Variants in TCF4 observed in about 807,000 individuals in gnomAD.
The protein encoded by TCF4 is transcription factor 4.
TCF4 carries 3 observed loss-of-function variants against 82.1 expected under a neutral mutation model. The ratio of observed to expected loss-of-function variants is 0.04; its 90% CI spans 0.02 to 0.09. The LOEUF is 0.09. Ranked by LOEUF, TCF4 falls within the 10% of genes least tolerant of loss-of-function variation. The pLI, the probability that TCF4 is intolerant of heterozygous loss-of-function variation, is 1.00. For missense variants in TCF4, 518 were observed against 852.7 expected, an observed-to-expected ratio of 0.61 and a Z score of 4.89; for synonymous variants, 276 against 309.6, an observed-to-expected ratio of 0.89 and a Z score of 1.14.
chr18:55,577,914 A>G (rs1458840474), intron 3 of TCF4, among the ~76,000 whole-genome samples: 1 of 152,080 alleles, frequency 6.6e-6, no homozygotes, highest in African/African-American at 2.4e-5. Flanking sequence ...TCAGAGAAAA[A>G]AGTTTGTAAT....
intron 8 of TCF4, among the ~76,000 whole-genome samples, chr18:55,324,334 C>T (rs569907320): frequency 1.3e-5 from 2 of 152,288 alleles, no homozygotes; most frequent in Admixed American, 1.3e-4. Context: ...GTTTGCTGAC[C>T]TTGGAGTACA....
chr18:55,268,856 G>C (rs2059755683), intron 11 of TCF4: 1 of 152,224 alleles, frequency 6.6e-6, no homozygotes, highest in African/African-American at 2.4e-5. Context: ...CCGACGCTCT[G>C]ACAGTGACAT....
rs144102118 is a variant in TCF4, at chr18:55,309,322, A to G, written c.550-29666T>C. 7.9e-5 allele frequency among the ~76,000 whole-genome samples: 12 copies of G among 151,340 alleles called. No individual in the cohort carries two copies. In the East Asian group the frequency reaches 1.2e-3, roughly 15 times the overall value. ...CTTTTTCTAGAGACAGGGTGTCCCA[A>G]TGTTGATCATGTTGATCTTGAACTC... On this transcript the variant is annotated intron_variant, in intron 8 of 19. Transcript: ENST00000354452.
intron 5 of TCF4, among the ~76,000 whole-genome samples, chr18:55,443,177 A>C (rs1479382592): frequency 6.6e-6 from 1 of 152,160 alleles, no homozygotes; most frequent in Admixed American, 6.5e-5. Flanking sequence ...AGGTTGTTGG[A>C]TACTAATCTA....
At chr18:55,282,924 G>A (rs139583417) in intron 8 of TCF4, among the ~76,000 whole-genome samples, 1 of 152,008 alleles carries the variant, frequency 6.6e-6, no homozygotes, top group East Asian at 1.9e-4. Flanking sequence ...TGAAACTTTT[G>A]TTGCCGAATT....
rs181779193 is a variant in TCF4, at chr18:55,256,937, G to C, written c.1146+378C>G. Among the ~76,000 whole-genome samples, 322 of 152,302 alleles carry C rather than the reference G, an allele frequency of 2.1e-3. 2 individuals are homozygous for C. The highest frequency in any genetic ancestry group is 7.3e-3 in the African/African-American group (305 of 41,576). On this transcript the variant is annotated intron_variant, in intron 14 of 19. Transcript: ENST00000354452. ...TCCTGTAAACCTGTTATTCTGGAAA[G>C]TAAAGCAGAGGTAGAGGGAATCAAA...
intron 8 of TCF4, among the ~76,000 whole-genome samples, chr18:55,329,277 G>A (rs576335897): frequency 6.6e-6 from 1 of 151,936 alleles, no homozygotes; most frequent in South Asian, 2.1e-4. Flanking sequence ...AAATAAACTT[G>A]AATTTTAACG....
At chr18:55,532,465 T>A (rs117976985) in intron 3 of TCF4, among the ~76,000 whole-genome samples, 2,814 of 152,276 alleles carry the variant, frequency 0.018, 40 homozygotes, top group Middle Eastern at 0.048. Flanking sequence ...GGAAGGCTGG[T>A]ACCAAGGAAA....
chr18:55,572,023 A>T (rs1262235416), intron 3 of TCF4, among the ~76,000 whole-genome samples: 2 of 152,220 alleles, frequency 1.3e-5, no homozygotes, highest in African/African-American at 4.8e-5. Context: ...AGGCAGAAAC[A>T]GGACCAAGCA....
chr18:55,424,307 TTG>T (rs1348242257), intron 5 of TCF4, among the ~76,000 whole-genome samples: 1 of 152,190 alleles, frequency 6.6e-6, no homozygotes, highest in African/African-American at 2.4e-5. Flanking sequence ...TCTCAAGATT[TTG>T]TGTCTTAAAG....
At chr18:55,391,710 A>G (rs2093116735) in intron 6 of TCF4, among the ~76,000 whole-genome samples, 1 of 151,816 alleles carries the variant, frequency 6.6e-6, no homozygotes, top group Non-Finnish European at 1.5e-5. Flanking sequence ...AGGTGGGCGG[A>G]TCACTTGAGG....
At chr18:55,344,034 A>G (rs1313665477) in intron 8 of TCF4, among the ~76,000 whole-genome samples, 2 of 152,218 alleles carry the variant, frequency 1.3e-5, no homozygotes, top group Admixed American at 6.5e-5. Flanking sequence ...ACAAGTATGG[A>G]TTCTGCCTTA....
chr18:55,622,843 A>T lies in TCF4; in HGVS notation c.286+8455T>A, dbSNP rs553587915. ...AGAATATTATACATGCATTTGCACG[A>T]GAGTTCTCTATCAGATTTAAAAACT... On this transcript the variant is annotated intron_variant, in intron 2 of 20. Coordinates refer to the TCF4 transcript ENST00000398339. Among the ~76,000 whole-genome samples, 15 of 151,560 alleles carry T rather than the reference A, an allele frequency of 9.9e-5. No individual in the cohort carries two copies. The South Asian group carries it at 3.1e-3, about 32-fold the overall frequency.
chr18:55,524,216 C>T lies in TCF4; in HGVS notation c.146-60079G>A, dbSNP rs2096958168. On this transcript the variant is annotated intron_variant, in intron 3 of 19. Coordinates refer to ENST00000354452, the MANE Select transcript of TCF4 (RefSeq NM_001083962.2). ...GGCAGCTCTTCTACTAGATCACGTCCTGTTGGTCAAGAATGTTTTTCTGCA... is the reference window on the plus strand; with the variant it reads ...GGCAGCTCTTCTACTAGATCACGTCTTGTTGGTCAAGAATGTTTTTCTGCA... 3.9e-5 allele frequency among the ~76,000 whole-genome samples: 6 copies of T among 152,034 alleles called. 1 individual carries two copies. The South Asian group carries it at 1.2e-3, about 32-fold the overall frequency.
chr18:55,409,717 T>G (rs141652684), intron 5 of TCF4, among the ~76,000 whole-genome samples: 1 of 152,348 alleles, frequency 6.6e-6, no homozygotes, highest in East Asian at 1.9e-4. Context: ...TTATTTTATT[T>G]AAATTGATAT....
intron 3 of TCF4, among the ~76,000 whole-genome samples, chr18:55,517,905 A>T (rs1241230899): frequency 6.6e-6 from 1 of 152,134 alleles, no homozygotes; most frequent in Non-Finnish European, 1.5e-5. Flanking sequence ...TTGACCTTGC[A>T]TTTCAATTTT....
At chr18:55,429,161 A>G (rs991426877) in intron 5 of TCF4, among the ~76,000 whole-genome samples, 1 of 152,214 alleles carries the variant, frequency 6.6e-6, no homozygotes, top group Non-Finnish European at 1.5e-5. Context: ...AAGTGAAATG[A>G]AGCCTTAGCA....
intron 3 of TCF4, among the ~76,000 whole-genome samples, chr18:55,539,804 A>T (rs574983228): frequency 6.6e-6 from 1 of 152,322 alleles, no homozygotes; most frequent in South Asian, 2.1e-4. Context: ...CCAATAAATT[A>T]AAAATACAGC....
At chr18:55,482,023 G>A (rs1346784720) in intron 3 of TCF4, 2 of 152,178 alleles carry the variant, frequency 1.3e-5, no homozygotes, top group African/African-American at 4.8e-5. Flanking sequence ...TCAACAGCTA[G>A]CATCAGGATT....
Sources: allele counts gnomAD v4.1 joint callset (sites outside exome capture counted in the v4.1 genomes callset), GRCh38; gene constraint gnomAD v4.1.1; transcripts MANE v1.5; gene names NCBI Gene and HGNC (gene_info 2026-07-23, HGNC 2026-07-21).